Variants in MGAT4B observed in about 807,000 individuals in gnomAD.
MGAT4B encodes the protein alpha-1,3-mannosyl-glycoprotein 4-beta-N-acetylglucosaminyltransferase B.
A neutral mutation model predicts 73.9 loss-of-function variants in MGAT4B; 38 were observed. That is an observed-to-expected ratio of 0.51 (90% CI 0.40 to 0.67). MGAT4B has a LOEUF of 0.67. MGAT4B is among the 30% of genes least tolerant of loss of function. The probability of loss-of-function intolerance (pLI) is 0.00; values close to 1 mark genes in which losing one functional copy is unlikely to be tolerated. For missense variants in MGAT4B, 686 were observed against 735.2 expected (o/e 0.93, Z 0.77); for synonymous variants, 373 against 313.5 (o/e 1.19, Z -2.01).
At chr5:179,803,185 T>A (rs771923552) in intron 1 of MGAT4B, 1 of 985,212 alleles carries the variant, frequency 1.0e-6, no homozygotes, top group African/African-American at 1.7e-5. Context: ...GGGAGCCAGG[T>A]AGATCTTCCC....
In MGAT4B at chr5:179,800,727, T is replaced by C. The variant is rs1756882491; in HGVS notation, c.606-130A>G. 3 of 899,280 alleles carry C rather than the reference T, an allele frequency of 3.3e-6. No individual in the cohort carries two copies. The South Asian group carries it at 4.4e-5, about 13-fold the overall frequency. The allele number at this position is 899,280 out of a possible 1,614,324, so 55.7% of individuals were successfully genotyped here. On this transcript the variant is annotated intron_variant, in intron 5 of 14. Transcript: ENST00000292591. ...CCACCACCCCCTACACCCAGCCAAC[T>C]GAGGTAGCAGAGCTCCAGAGGGGCT...
At chr5:179,802,778 C>A in intron 1 of MGAT4B, 3 of 985,580 alleles carry the variant, frequency 3.0e-6, no homozygotes, top group Non-Finnish European at 3.6e-6. Flanking sequence ...TGGCAGGGAC[C>A]AGTGAGCAAG....
rs1757186136 is a variant in MGAT4B, at chr5:179,806,862, A to C, written c.-279T>G. 1 of 150,292 alleles carries C rather than the reference A, an allele frequency of 6.7e-6. No homozygotes were observed. Among genetic ancestry groups the C allele is most frequent in the Non-Finnish European group, 1.5e-5 (1 of 67,806 alleles). 9.3% of individuals were successfully genotyped at this position (150,292 alleles called of 1,614,324 possible). ...TCACTGCAGATATCAGGGGCGCGGG[A>C]CACTGGCGGCCTCGCCTCCGCGGCA... On this transcript the variant is annotated 5_prime_UTR_variant, in exon 1 of 15. Transcript: ENST00000292591. This position sits in a 1 kb window ranked among gnomAD's most constrained non-coding sequence, Gnocchi z 4.6.
chr5:179,800,385 T>G, intron 6 of MGAT4B, 99 bp downstream of exon 6: 2 of 1,433,212 alleles, frequency 1.4e-6, no homozygotes, highest in Non-Finnish European at 2.0e-6. Context: ...CATGGAGAAT[T>G]CAGGGCACTG....
chr5:179,799,366 G>A, intron 9 of MGAT4B, 56 bp from the exon 10 acceptor site: 2 of 1,602,914 alleles, frequency 1.2e-6, no homozygotes, highest in East Asian at 2.2e-5. Flanking sequence ...CCTCAACACG[G>A]CCTCTCCTGG....
In MGAT4B at chr5:179,801,393, T is replaced by G. The variant is rs1431780347; in HGVS notation, c.499A>C (p.Ile167Leu). The G allele has an allele frequency of 6.2e-7, 1 of 1,612,798 alleles. No individual in the cohort carries two copies. The highest frequency in any genetic ancestry group is 1.1e-5 in the South Asian group (1 of 91,054). The change falls in exon 4 of 15, where the codon ATC (isoleucine) becomes CTC (leucine). Residue 167 changes from isoleucine (I) to leucine (L), a missense_variant. This residue lies in a region of MGAT4B where 449 missense variants were observed against 536.8 expected (regional missense o/e 0.84). Transcript: ENST00000292591. This position sits in a 1 kb window ranked among gnomAD's most constrained non-coding sequence, Gnocchi z 4.8. Reference protein sequence around the residue: ...SYLTDTLHSLISELSPQEKED... With the variant: ...SYLTDTLHSLLSELSPQEKED... ...TTCTCCTGCGGGCTCAGCTCGGAGA[T>G]GAGCGAGTGCAGAGTGTCAGTCAGG... is the stretch of plus-strand genomic sequence containing the variant.
rs1360313653 is a variant in MGAT4B at position 179,806,006 on chromosome 5, G to A, written c.97+481C>T. ...CCTCCCTCCCTCCCTCCCTCCCACAGGCCGGATGCTGCCGACGCGTTCTGG... is the reference window on the plus strand; with the variant it reads ...CCTCCCTCCCTCCCTCCCTCCCACAAGCCGGATGCTGCCGACGCGTTCTGG... On this transcript the variant is annotated intron_variant, in intron 1 of 14. Coordinates refer to ENST00000292591, the MANE Select transcript of MGAT4B (RefSeq NM_014275.5). The surrounding 1 kb of genome is among the most constrained non-coding windows in gnomAD (Gnocchi z 4.6). 7.1e-6 allele frequency among the ~76,000 whole-genome samples: 1 copy of A among 141,504 alleles called. No individual in the cohort carries two copies. The highest frequency in any genetic ancestry group is 1.6e-5 in the Non-Finnish European group (1 of 64,160). The allele number at this position is 141,504 out of a possible 152,430, so 92.8% of individuals were successfully genotyped here. A position where few individuals can be genotyped will look rare whatever the true frequency, so the allele number is the denominator to read the frequency against.
rs2113430862 is a variant in MGAT4B at position 179,800,937 on chromosome 5, G to A, written c.575C>T (p.Thr192Ile). Residue 192 changes from threonine (T) to isoleucine (I), a missense_variant, in exon 5 of 15, where the codon ACT becomes ATT. Thr to Ile is a moderately conservative substitution (Grantham distance 89). This residue lies in a region of MGAT4B where 449 missense variants were observed against 536.8 expected (regional missense o/e 0.84). Transcript: ENST00000292591. The part of the protein sequence containing the change: ...VLIAETDSQY[T>I]SAVTENIKAL... ...CTTGATGTTCTCTGTCACTGCCGAA[G>A]TGTACTGTGAGTCAGTCTGTGGGGA... 1 of 1,613,916 alleles carries A rather than the reference G, an allele frequency of 6.2e-7. No individual in the cohort carries two copies. The highest frequency in any genetic ancestry group is 8.5e-7 in the Non-Finnish European group (1 of 1,179,970).
At chr5:179,800,699 C>A (rs1470204316) in intron 5 of MGAT4B, 102 bp from the exon 6 acceptor site, 2 of 1,064,404 alleles carry the variant, frequency 1.9e-6, no homozygotes, top group Non-Finnish European at 2.8e-6. Context: ...CAGTGCCAGC[C>A]CCCCACCACC....
intron 1 of MGAT4B, chr5:179,802,194 C>G: frequency 1.3e-6 from 2 of 1,487,156 alleles, no homozygotes; most frequent in South Asian, 1.4e-5. Context: ...CAGTACTCTC[C>G]CCCACCGGGG....
chr5:179,799,978 C>T lies in MGAT4B; in HGVS notation c.886G>A (p.Glu296Lys). 6.2e-7 allele frequency: 1 copy of T among 1,613,916 alleles called. No individual in the cohort carries two copies. Among genetic ancestry groups the T allele is most frequent in the Non-Finnish European group, 8.5e-7 (1 of 1,179,978 alleles). The change falls in exon 8 of 15, where the codon GAG (glutamate) becomes AAG (lysine). Residue 296 changes from glutamate to lysine, a missense_variant. By Grantham distance (56) the Glu-to-Lys change is moderately conservative. Around this residue, in one of 2 missense-constraint regions of MGAT4B, gnomAD observed 449 missense variants for 536.8 expected, o/e 0.84. Transcript: ENST00000292591. ...CCAATGAAGCCCAGCTGGGAGAACT[C>T]CAGGATCATCCAGTCCTCTGAAGGC... ...QQPSEDWMILEFSQLGFIGKM... is the reference protein window; with the variant it reads ...QQPSEDWMILKFSQLGFIGKM...
intron 1 of MGAT4B, chr5:179,802,995 A>C (rs1405759077): frequency 3.0e-6 from 3 of 985,432 alleles, no homozygotes; most frequent in East Asian, 2.3e-4. Flanking sequence ...CACAGACCCC[A>C]GAGTTGCGTG....
rs561073025 is a variant in MGAT4B at position 179,806,663 on chromosome 5, A to AGGC, written c.-83_-81dup. The AGGC allele has an allele frequency of 0.06, 34,750 of 582,776 alleles. 1,925 individuals are homozygous for AGGC. The highest frequency in any genetic ancestry group is 0.2 in the Admixed American group (2,825 of 14,038). The allele number at this position is 582,776 out of a possible 1,614,324, so 36.1% of individuals were successfully genotyped here. On this transcript the variant is annotated 5_prime_UTR_variant, in exon 1 of 15. Coordinates refer to ENST00000292591, the MANE Select transcript of MGAT4B (RefSeq NM_014275.5). The surrounding 1 kb of genome is among the most constrained non-coding windows in gnomAD (Gnocchi z 4.6). Reference sequence around the variant, plus strand: ...CCGGGGCCGGGGCGCAGGGGTCGGAAGGCGGCGGCGGCGGCGGCAGGGGCC... The same window carrying AGGC: ...CCGGGGCCGGGGCGCAGGGGTCGGAAGGCGGCGGCGGCGGCGGCGGCAGGGGCC...
chr5:179,798,189 G>A lies in MGAT4B; in HGVS notation c.1599C>T (p.Ser533=). ...CCTCGCTCAGAATCACCCACACAGG[G>A]GAGTCCGTCTGGATCGAGAGGCGCA... ...EALRLSIQTD[S]PVWVILSEIF... The change falls in exon 14 of 15, where the codon TCC becomes TCT. Residue 533 remains serine (S), a synonymous_variant. Transcript: ENST00000292591. 6.3e-7 allele frequency: 1 copy of A among 1,597,162 alleles called. No homozygotes were observed. Among genetic ancestry groups the A allele is most frequent in the Non-Finnish European group, 8.5e-7 (1 of 1,170,994 alleles).
rs1161731675 is a variant in MGAT4B, at chr5:179,797,736, G to A, written c.*309C>T. The A allele has an allele frequency of 1.6e-5, 6 of 363,718 alleles. No homozygotes were observed. Among genetic ancestry groups the A allele is most frequent in the African/African-American group, 4.3e-5 (2 of 46,008 alleles). 22.5% of individuals were successfully genotyped at this position (363,718 alleles called of 1,614,324 possible). On this transcript the variant is annotated 3_prime_UTR_variant, in exon 15 of 15. Coordinates refer to ENST00000292591, the MANE Select transcript of MGAT4B (RefSeq NM_014275.5). ...GTAGTATATGCATTCCAGTGTTCGC[G>A]CCAGAGACGGCGGGCGCCCAAGTAA...
Position 179,806,400 on chromosome 5 carries a change from G to A in MGAT4B, c.97+87C>T, listed in dbSNP as rs1248965312. On this transcript the variant is annotated intron_variant, in intron 1 of 14. Transcript: ENST00000292591. The surrounding 1 kb of genome is among the most constrained non-coding windows in gnomAD (Gnocchi z 4.6). ...GGAAGGGGCGCCTGCGTCGGCTTCC[G>A]GCCGCCTTCCGCGGCCACCGCCGGG... 32 of 838,210 alleles carry A rather than the reference G, an allele frequency of 3.8e-5. No individual in the cohort carries two copies. The highest frequency in any genetic ancestry group is 4.8e-5 in the Non-Finnish European group (32 of 671,838). The allele number at this position is 838,210 out of a possible 1,614,324, so 51.9% of individuals were successfully genotyped here.
At chr5:179,802,592 G>A (rs1201927759) in intron 1 of MGAT4B, 9 of 990,504 alleles carry the variant, frequency 9.1e-6, no homozygotes, top group Non-Finnish European at 8.4e-6. Context: ...AGCTCTGAAC[G>A]CCCTGGTGCC....
chr5:179,799,870 A>G, intron 8 of MGAT4B, 84 bp downstream of exon 8: 1 of 1,387,664 alleles, frequency 7.2e-7, no homozygotes, highest in South Asian at 1.2e-5. Flanking sequence ...GCAAAGGCTC[A>G]CAGTGGACAC....
rs1028765119 is a variant in MGAT4B, at chr5:179,801,956, G to A, written c.111C>T (p.Asp37=). Residue 37 remains aspartate, a synonymous_variant, in exon 2 of 15, where the codon GAC becomes GAT. Coordinates refer to ENST00000292591, the MANE Select transcript of MGAT4B (RefSeq NM_014275.5). This position sits in a 1 kb window ranked among gnomAD's most constrained non-coding sequence, Gnocchi z 4.8. ...ALSGQKGDVV[D]VYQREFLALR... ...GCGCCAGGAACTCCCGCTGGTAAAC[G>A]TCCACAACGTCGCCTGCAGGTGGTA... 6.2e-7 allele frequency: 1 copy of A among 1,613,380 alleles called. No homozygotes were observed. The highest frequency in any genetic ancestry group is 8.5e-7 in the Non-Finnish European group (1 of 1,180,006).
Sources: gnomAD v4.1 joint callset for allele counts (sites outside exome capture counted in the v4.1 genomes callset) on GRCh38, gnomAD v4.1.1 for gene constraint, gnomAD v4.1.1 regional missense constraint, Gnocchi (gnomAD v3.1) non-coding constraint, MANE v1.5 for transcripts, NCBI Gene and HGNC (gene_info 2026-07-23, HGNC 2026-07-21) for gene names.